The following MRRF variants were observed in gnomAD, a reference collection of about 807,000 sequenced individuals.
MRRF encodes ribosome-recycling factor, mitochondrial.
MRRF carries 18 observed loss-of-function variants against 25.1 expected under a neutral mutation model. The observed-to-expected ratio is 0.72, with a 90% CI of 0.50 to 1.06. The LOEUF is 1.06. Ranked by LOEUF, MRRF falls within the 50% of genes least tolerant of loss-of-function variation. The pLI is 0.00. For missense variants in MRRF, 323 were observed against 319.3 expected, an observed-to-expected ratio of 1.01 and a Z score of -0.09; for synonymous variants, 113 against 112.1, an observed-to-expected ratio of 1.01 and a Z score of -0.05.
At chr9:122,289,784 C>A (rs1250487272) in intron 4 of MRRF, among the ~76,000 whole-genome samples, 1 of 151,900 alleles carries the variant, frequency 6.6e-6, no homozygotes, top group Non-Finnish European at 1.5e-5. Context: ...TCCCAGTACT[C>A]TGGGAGGCTG....
In MRRF at chr9:122,325,631, G is replaced by GGTGTGTGGGTGTGT. The variant is rs1836111538; in HGVS notation, c.*3021_*3022insGGTGTGTGTGTGTG. The stretch of plus-strand genomic sequence containing the variant: ...GAATTTGAGAATTTTTTTCCTGTCT[G>GGTGTGTGGGTGTGT]GTGTGTGTGTGTGTGTGTGTGTGTG... On this transcript the variant is annotated 3_prime_UTR_variant, in exon 7 of 7. Coordinates refer to ENST00000344641, the MANE Select transcript of MRRF (RefSeq NM_138777.5). 8.6e-6 allele frequency: 1 copy of GGTGTGTGGGTGTGT among 116,590 alleles called. No individual in the cohort carries two copies. Among genetic ancestry groups the GGTGTGTGGGTGTGT allele is most frequent in the African/African-American group, 3.4e-5 (1 of 28,988 alleles). 7.2% of individuals were successfully genotyped at this position (116,590 alleles called of 1,614,324 possible).
intron 3 of MRRF, among the ~76,000 whole-genome samples, chr9:122,282,081 T>C (rs571896642): frequency 6.6e-6 from 1 of 152,312 alleles, no homozygotes; most frequent in Non-Finnish European, 1.5e-5. Flanking sequence ...GGATTATGTT[T>C]GTTTAACGTT....
chr9:122,320,103 G>A (rs1035116198), intron 6 of MRRF, among the ~76,000 whole-genome samples: 2 of 151,534 alleles, frequency 1.3e-5, no homozygotes, highest in African/African-American at 2.4e-5. Context: ...CAAACTCCTC[G>A]ACTCAAGTGA....
rs901015528 is a variant in MRRF, at chr9:122,285,152, T to A, written c.341-17T>A. On this transcript the variant is annotated splice_polypyrimidine_tract_variant and intron_variant, in intron 3 of 6. Coordinates refer to ENST00000344641, the MANE Select transcript of MRRF (RefSeq NM_138777.5). ...AAGGTTCTTTGGAATTCTAAAACTC[T>A]GTAATTTTTCTTTTAGGATCCCTTG... The A allele has an allele frequency of 1.3e-6, 2 of 1,525,132 alleles. No individual in the cohort carries two copies. Among genetic ancestry groups the A allele is most frequent in the African/African-American group, 2.7e-5 (2 of 73,152 alleles). The allele number at this position is 1,525,132 out of a possible 1,614,324, so 94.5% of individuals were successfully genotyped here.
intron 3 of MRRF, among the ~76,000 whole-genome samples, chr9:122,282,684 G>C (rs997446492): frequency 6.6e-6 from 1 of 152,186 alleles, no homozygotes; most frequent in Non-Finnish European, 1.5e-5. Context: ...ATACATTATA[G>C]AAAGCATTTA....
chr9:122,276,909 G>A (rs1832810957), intron 2 of MRRF, among the ~76,000 whole-genome samples: 1 of 151,906 alleles, frequency 6.6e-6, no homozygotes, highest in African/African-American at 2.4e-5. Context: ...TGCCCAGGCT[G>A]TAGTGCAGCA....
At chr9:122,312,200 G>A (rs1835247131) in intron 5 of MRRF, among the ~76,000 whole-genome samples, 1 of 152,154 alleles carries the variant, frequency 6.6e-6, no homozygotes, top group African/African-American at 2.4e-5. Context: ...TCATGCTCAT[G>A]GGCAAGTCAC....
chr9:122,284,561 G>A (rs539239173), intron 3 of MRRF, among the ~76,000 whole-genome samples: 2 of 152,306 alleles, frequency 1.3e-5, no homozygotes, highest in Admixed American at 1.3e-4. Flanking sequence ...AGTTGCTTGT[G>A]AGGGTGATCA....
At chr9:122,309,907 T>G (rs905948215) in intron 5 of MRRF, among the ~76,000 whole-genome samples, 1 of 152,240 alleles carries the variant, frequency 6.6e-6, no homozygotes, top group Non-Finnish European at 1.5e-5. Flanking sequence ...AAAAGTCATC[T>G]TGCCATAGCA....
At chr9:122,307,680 A>G (rs1442437545) in intron 5 of MRRF, among the ~76,000 whole-genome samples, 9 of 152,102 alleles carry the variant, frequency 5.9e-5, no homozygotes, top group Admixed American at 5.2e-4. Context: ...CTCCCATTTT[A>G]TGTAGGAGAA....
chr9:122,313,446 T>C (rs1421243337), intron 6 of MRRF, 60 bp downstream of exon 6: 1 of 1,567,592 alleles, frequency 6.4e-7, no homozygotes, highest in East Asian at 2.2e-5. Context: ...CATTTGTTCA[T>C]GTTTGAGGTG....
chr9:122,283,474 A>G (rs1239231440), intron 3 of MRRF, among the ~76,000 whole-genome samples: 1 of 152,232 alleles, frequency 6.6e-6, no homozygotes, highest in African/African-American at 2.4e-5. Context: ...CCATGGTCAC[A>G]CAATCAGAAA....
In MRRF at chr9:122,264,924, C is replaced by T. The variant is rs549765924; in HGVS notation, c.-43C>T. 3.3e-5 allele frequency: 5 copies of T among 153,332 alleles called. No homozygotes were observed. Among genetic ancestry groups the T allele is most frequent in the Admixed American group, 2.6e-4 (4 of 15,304 alleles). The allele number at this position is 153,332 out of a possible 1,614,324, so 9.5% of individuals were successfully genotyped here. A position where few individuals can be genotyped will look rare whatever the true frequency, so the allele number is the denominator to read the frequency against. On this transcript the variant is annotated 5_prime_UTR_variant, in exon 1 of 7. Coordinates refer to ENST00000344641, the MANE Select transcript of MRRF (RefSeq NM_138777.5). ...CGTCGCACGAGTCTTTCCTTAGTAA[C>T]CTGGGCGATAGCTGGTGAGTGTCCT...
intron 6 of MRRF, among the ~76,000 whole-genome samples, chr9:122,316,771 G>A (rs1835556846): frequency 6.6e-6 from 1 of 151,288 alleles, no homozygotes; most frequent in African/African-American, 2.4e-5. Context: ...TCCCACATTG[G>A]AGAGGCAACC....
intron 3 of MRRF, 143 bp from the exon 4 acceptor site, chr9:122,285,026 A>T (rs1483317312): frequency 1.4e-6 from 1 of 690,670 alleles, no homozygotes; most frequent in African/African-American, 1.8e-5. Context: ...ACTGCCCTCA[A>T]GCATTCCTCC....
intron 1 of MRRF, among the ~76,000 whole-genome samples, chr9:122,268,777 A>C (rs542188886): frequency 1.3e-5 from 2 of 152,204 alleles, no homozygotes; most frequent in Non-Finnish European, 2.9e-5. Context: ...TATAGACTTC[A>C]TACACTGATC....
chr9:122,268,191 G>A (rs1430473363), intron 1 of MRRF, among the ~76,000 whole-genome samples: 2 of 152,148 alleles, frequency 1.3e-5, no homozygotes, highest in African/African-American at 2.4e-5. Flanking sequence ...TAAAATCTAC[G>A]CCTTAAGCAT....
chr9:122,292,041 A>G (rs1446354015), intron 5 of MRRF, among the ~76,000 whole-genome samples: 4 of 152,238 alleles, frequency 2.6e-5, no homozygotes, highest in African/African-American at 4.8e-5. Flanking sequence ...TGAGGTTTGC[A>G]GCAGTAAGCT....
At chr9:122,311,199 T>G (rs759759140) in intron 5 of MRRF, among the ~76,000 whole-genome samples, 4 of 152,176 alleles carry the variant, frequency 2.6e-5, no homozygotes, top group Non-Finnish European at 5.9e-5. Context: ...TCTGTCTGAC[T>G]TCAAAACCAG....
Sources: allele counts gnomAD v4.1 joint callset (sites outside exome capture counted in the v4.1 genomes callset), GRCh38; gene constraint gnomAD v4.1.1; transcripts MANE v1.5; gene names NCBI Gene and HGNC (gene_info 2026-07-23, HGNC 2026-07-21).